Variants in SHPK observed in about 807,000 individuals in gnomAD.
SHPK encodes the protein carbohydrate kinase-like protein.
In SHPK, 51 loss-of-function variants were observed where a neutral mutation model predicts 46.3. The ratio of observed to expected loss-of-function variants is 1.10; its 90% CI spans 0.88 to 1.39. The LOEUF (loss-of-function observed/expected upper bound fraction) is 1.39, where lower values mean the gene tolerates loss of function less well. Among genes scored for constraint, SHPK ranks in the 40% most tolerant of loss-of-function variants. SHPK has a pLI of 0.00. For synonymous variants in SHPK, 290 were observed against 273.9 expected, an observed-to-expected ratio of 1.06 and a Z score of -0.58; for missense variants, 668 against 641.3, an observed-to-expected ratio of 1.04 and a Z score of -0.45.
At chr17:3,617,460 A>T (rs138837306) in intron 5 of SHPK, among the ~76,000 whole-genome samples, 1 of 152,202 alleles carries the variant, frequency 6.6e-6, no homozygotes, top group Non-Finnish European at 1.5e-5. Flanking sequence ...CAGGTGTCCA[A>T]CTGGGTCAGA....
intron 5 of SHPK, among the ~76,000 whole-genome samples, chr17:3,620,125 G>A (rs959458772): frequency 1.3e-5 from 2 of 152,130 alleles, no homozygotes; most frequent in African/African-American, 2.4e-5. Context: ...AACAGAGACG[G>A]CATGATCCGC....
At chr17:3,630,413 C>A (rs1260037784) in intron 1 of SHPK, 67 bp from the exon 2 acceptor site, 2 of 1,477,424 alleles carry the variant, frequency 1.4e-6, no homozygotes, top group Non-Finnish European at 9.1e-7. Context: ...GCAGGCCTCC[C>A]GGGATGTCCT....
At chr17:3,614,572 G>C (rs1010018162) in intron 6 of SHPK, among the ~76,000 whole-genome samples, 1 of 151,456 alleles carries the variant, frequency 6.6e-6, no homozygotes, top group African/African-American at 2.4e-5. Context: ...ATCAGGCCAG[G>C]CACAGTGGCT....
intron 5 of SHPK, among the ~76,000 whole-genome samples, chr17:3,618,163 C>G (rs2456852): frequency 0.088 from 13,429 of 152,090 alleles, 755 homozygotes; most frequent in East Asian, 0.23. Flanking sequence ...CTGGAGTGCA[C>G]TGGCGCGATC....
At chr17:3,620,119 GAGA>G (rs1274520735) in intron 5 of SHPK, among the ~76,000 whole-genome samples, 1 of 152,158 alleles carries the variant, frequency 6.6e-6, no homozygotes, top group East Asian at 1.9e-4. Context: ...AGTTACAACA[GAGA>G]CGGCATGATC....
rs1313542790 is a variant in SHPK, at chr17:3,636,053, T to A, written c.167A>T (p.Gln56Leu). The A allele has an allele frequency of 3.2e-6, 5 of 1,556,342 alleles. No homozygotes were observed. The highest frequency in any genetic ancestry group is 4.3e-6 in the Non-Finnish European group (5 of 1,153,386). The change falls in exon 1 of 7, where the codon CAG becomes CTG. Residue 56 changes from glutamine (Q) to leucine (L), a missense_variant and splice_region_variant. Coordinates refer to ENST00000225519, the MANE Select transcript of SHPK (RefSeq NM_013276.4). ...CGCGGCCCCGGGGGTCCAACTCACC[T>A]GGGGCCCGGCCACCGCGCTCTCGAC... is the stretch of plus-strand genomic sequence containing the variant. Reference protein sequence around the residue: ...AAVESAVAGPQGREQDVSRIL... With the variant: ...AAVESAVAGPLGREQDVSRIL...
At chr17:3,632,637 G>C (rs1222693641) in intron 1 of SHPK, among the ~76,000 whole-genome samples, 1 of 152,130 alleles carries the variant, frequency 6.6e-6, no homozygotes, top group African/African-American at 2.4e-5. Flanking sequence ...CAGTGTAACA[G>C]GAATAGACAT....
intron 5 of SHPK, among the ~76,000 whole-genome samples, chr17:3,618,100 ACT>A (rs2075378811): frequency 6.6e-6 from 1 of 151,360 alleles, no homozygotes; most frequent in Non-Finnish European, 1.5e-5. Flanking sequence ...CTTCAAATAA[ACT>A]CTTTGTTTGT....
At chr17:3,634,844 C>T (rs2150877459) in intron 1 of SHPK, among the ~76,000 whole-genome samples, 1 of 152,206 alleles carries the variant, frequency 6.6e-6, no homozygotes, top group Admixed American at 6.5e-5. Context: ...GAACCCTAAA[C>T]AACCGTGTCC....
chr17:3,635,456 C>T (rs2075513166), intron 1 of SHPK, among the ~76,000 whole-genome samples: 2 of 152,094 alleles, frequency 1.3e-5, no homozygotes, highest in Admixed American at 6.5e-5. Context: ...AGGATGGTCT[C>T]GATCTCCTGA....
At chr17:3,634,484 A>G (rs970989602) in intron 1 of SHPK, among the ~76,000 whole-genome samples, 9 of 151,010 alleles carry the variant, frequency 6.0e-5, no homozygotes, top group African/African-American at 2.2e-4. Flanking sequence ...AGGCACGAAA[A>G]TCACTTGAAC....
intron 1 of SHPK, among the ~76,000 whole-genome samples, 154 bp from the exon 2 acceptor site, chr17:3,630,500 C>T (rs2075464384): frequency 6.6e-6 from 1 of 152,224 alleles, no homozygotes; most frequent in African/African-American, 2.4e-5. Context: ...TTGCAGCAAA[C>T]TGCCTGGGCC....
At chr17:3,612,982 CT>C (rs2075349589) in intron 6 of SHPK, among the ~76,000 whole-genome samples, 1 of 152,122 alleles carries the variant, frequency 6.6e-6, no homozygotes, top group African/African-American at 2.4e-5. Context: ...GAACTCCTGA[CT>C]TCGTGATCCG....
At chr17:3,632,059 C>G (rs1320064079) in intron 1 of SHPK, among the ~76,000 whole-genome samples, 1 of 151,726 alleles carries the variant, frequency 6.6e-6, no homozygotes, top group Non-Finnish European at 1.5e-5. Context: ...CAGGTTCATG[C>G]GAGTCTCCTG....
intron 1 of SHPK, among the ~76,000 whole-genome samples, 159 bp downstream of exon 1, chr17:3,635,893 T>C (rs1319183885): frequency 1.3e-5 from 2 of 152,024 alleles, no homozygotes; most frequent in African/African-American, 2.4e-5. Context: ...TAAGGGATCA[T>C]GAGCACAGCT....
chr17:3,612,131 GA>G (rs36013202), intron 6 of SHPK, among the ~76,000 whole-genome samples: 53,405 of 142,672 alleles, frequency 0.37, 11,274 homozygotes, highest in East Asian at 0.67. Flanking sequence ...ACAAACAAAC[GA>G]AAAAAAAAAA....
intron 6 of SHPK, among the ~76,000 whole-genome samples, chr17:3,612,708 C>T (rs1386544413): frequency 1.3e-5 from 2 of 151,816 alleles, no homozygotes; most frequent in Non-Finnish European, 2.9e-5. Flanking sequence ...CTTCTCCAGC[C>T]TAGGGCTTCT....
intron 1 of SHPK, among the ~76,000 whole-genome samples, chr17:3,633,526 C>T (rs1370464434): frequency 6.6e-6 from 1 of 152,022 alleles, no homozygotes; most frequent in African/African-American, 2.4e-5. Flanking sequence ...TATAGACTAA[C>T]TCACAGCAGT....
chr17:3,616,176 A>G (rs1407635543), intron 5 of SHPK, among the ~76,000 whole-genome samples: 1 of 152,120 alleles, frequency 6.6e-6, no homozygotes, highest in Admixed American at 6.5e-5. Flanking sequence ...CAAGAGGTAG[A>G]ACCTGATTCC....
Sources: gnomAD v4.1 joint callset for allele counts (sites outside exome capture counted in the v4.1 genomes callset) on GRCh38, gnomAD v4.1.1 for gene constraint, MANE v1.5 for transcripts, NCBI Gene and HGNC (gene_info 2026-07-23, HGNC 2026-07-21) for gene names.